Variants in CACNB2 observed in about 807,000 individuals in gnomAD.
CACNB2 encodes voltage-dependent L-type calcium channel subunit beta-2.
In CACNB2, 42 loss-of-function variants were observed where a neutral mutation model predicts 73.3. The observed-to-expected ratio is 0.57, with a 90% confidence interval of 0.45 to 0.74. The LOEUF is 0.74. CACNB2 is among the 30% of genes least tolerant of loss of function. CACNB2 has a pLI of 0.00. For missense variants in CACNB2, 940 were observed against 853.0 expected (o/e 1.10, Z -1.27); for synonymous variants, 348 against 310.3 (o/e 1.12, Z -1.28).
At chr10:18,231,001 G>A (rs922827489) in intron 2 of CACNB2, among the ~76,000 whole-genome samples, 6 of 152,102 alleles carry the variant, frequency 3.9e-5, no homozygotes, top group African/African-American at 1.4e-4. Context: ...GAGAAGGAAG[G>A]TTAGTAGGCT....
At chr10:18,290,943 C>T (rs1167186013) in intron 2 of CACNB2, among the ~76,000 whole-genome samples, 1 of 152,376 alleles carries the variant, frequency 6.6e-6, no homozygotes, top group South Asian at 2.1e-4. Flanking sequence ...CATTTCCAGC[C>T]TTGCTCTTCC....
At chr10:18,373,123 TC>T (rs963042917) in intron 2 of CACNB2, among the ~76,000 whole-genome samples, 65 of 152,120 alleles carry the variant, frequency 4.3e-4, no homozygotes, top group African/African-American at 1.5e-3. Flanking sequence ...GCCCCATATT[TC>T]CCTAAAGACT....
chr10:18,488,774 AC>A (rs1211881441), intron 3 of CACNB2, among the ~76,000 whole-genome samples: 5 of 151,972 alleles, frequency 3.3e-5, no homozygotes, highest in Admixed American at 2.6e-4. Flanking sequence ...CCATCTACAC[AC>A]CCCTTTAAAT....
intron 1 of CACNB2, among the ~76,000 whole-genome samples, chr10:18,143,433 G>A (rs2030637742): frequency 6.6e-6 from 1 of 152,180 alleles, no homozygotes; most frequent in South Asian, 2.1e-4. Context: ...TGATTGCATA[G>A]ATAAAGGAGA....
intron 2 of CACNB2, among the ~76,000 whole-genome samples, chr10:18,199,348 A>G (rs151279665): frequency 2.6e-5 from 4 of 152,206 alleles, no homozygotes; most frequent in Admixed American, 2.6e-4. Flanking sequence ...TGTAATGCCA[A>G]CTTCTAGGAA....
At chr10:18,370,543 T>C (rs1446389132) in intron 2 of CACNB2, among the ~76,000 whole-genome samples, 1 of 152,176 alleles carries the variant, frequency 6.6e-6, no homozygotes, top group Non-Finnish European at 1.5e-5. Context: ...TAAGTGATCC[T>C]CCCACCTTGG....
At chr10:18,443,856 A>G (rs879617669) in intron 3 of CACNB2, among the ~76,000 whole-genome samples, 4 of 152,082 alleles carry the variant, frequency 2.6e-5, no homozygotes, top group Admixed American at 6.6e-5. Context: ...CTGGGGTTAC[A>G]GGTGCCTGCC....
intron 2 of CACNB2, among the ~76,000 whole-genome samples, chr10:18,336,511 C>A (rs1035134333): frequency 6.6e-6 from 1 of 151,914 alleles, no homozygotes; most frequent in Admixed American, 6.6e-5. Flanking sequence ...TCCAGCTACT[C>A]GAGAGGCTGA....
intron 2 of CACNB2, among the ~76,000 whole-genome samples, chr10:18,371,735 G>A (rs549382627): frequency 2.6e-5 from 4 of 152,266 alleles, no homozygotes; most frequent in South Asian, 2.1e-4. Flanking sequence ...GGATGGCTGG[G>A]TCAAATGGTA....
intron 2 of CACNB2, among the ~76,000 whole-genome samples, chr10:18,346,258 G>T (rs4748452): frequency 0.31 from 46,821 of 151,916 alleles, 7,524 homozygotes; most frequent in African/African-American, 0.38. Context: ...TCCTGCCTCA[G>T]CCTCTTGAGT....
chr10:18,318,970 G>A (rs2040297215), intron 2 of CACNB2, among the ~76,000 whole-genome samples: 1 of 152,224 alleles, frequency 6.6e-6, no homozygotes, highest in Non-Finnish European at 1.5e-5. Flanking sequence ...AGGCTGTGGA[G>A]AAATAGGAAT....
At chr10:18,179,827 T>G (rs2033785432) in intron 2 of CACNB2, among the ~76,000 whole-genome samples, 1 of 152,200 alleles carries the variant, frequency 6.6e-6, no homozygotes, top group Non-Finnish European at 1.5e-5. Context: ...AAATTTCCTC[T>G]CCAGTAGTCT....
chr10:18,378,909 T>C (rs2042906829), intron 2 of CACNB2, among the ~76,000 whole-genome samples: 2 of 152,052 alleles, frequency 1.3e-5, no homozygotes, highest in South Asian at 4.2e-4. Flanking sequence ...TAGAACAAAT[T>C]TGAGTTGAGT....
chr10:18,374,013 T>C (rs2042692377), intron 2 of CACNB2, among the ~76,000 whole-genome samples: 1 of 152,234 alleles, frequency 6.6e-6, no homozygotes, highest in Non-Finnish European at 1.5e-5. Flanking sequence ...CCATATTGCA[T>C]TGTAACACTG....
At chr10:18,452,883 T>C (rs1302735614) in intron 3 of CACNB2, among the ~76,000 whole-genome samples, 1 of 152,212 alleles carries the variant, frequency 6.6e-6, no homozygotes, top group Admixed American at 6.5e-5. Flanking sequence ...TGCAGAAGGA[T>C]ATTAGAATAT....
Position 18,491,389 on chromosome 10 carries a change from GC to G in CACNB2, c.334-6964del, listed in dbSNP as rs1210332239. On this transcript the variant is annotated intron_variant, in intron 3 of 13. Coordinates refer to ENST00000324631, the MANE Select transcript of CACNB2 (RefSeq NM_201596.3). ...ACTTGAGGCCAGGAGTTCAAGACCA[GC>G]CTGGGCATCAAAGCGAGACCTCATC... 5.9e-5 allele frequency among the ~76,000 whole-genome samples: 9 copies of G among 152,264 alleles called. No homozygotes were observed. In the East Asian group the frequency reaches 1.7e-3, roughly 29 times the overall value.
intron 2 of CACNB2, among the ~76,000 whole-genome samples, chr10:18,270,281 A>T (rs1277741): frequency 0.83 from 125,857 of 152,086 alleles, 52,352 homozygotes; most frequent in African/African-American, 0.92. Context: ...GCACCCATTA[A>T]CCAGTCACCT....
intron 1 of CACNB2, among the ~76,000 whole-genome samples, chr10:18,146,271 C>T (rs956077598): frequency 2.7e-5 from 4 of 149,608 alleles, no homozygotes; most frequent in Admixed American, 6.7e-5. Context: ...AAGGGATAAA[C>T]ATCAATGAAT....
chr10:18,223,470 TATTG>T (rs1223188729), intron 2 of CACNB2, among the ~76,000 whole-genome samples: 8 of 152,176 alleles, frequency 5.3e-5, no homozygotes, highest in South Asian at 2.1e-4. Context: ...CATGAATAAT[TATTG>T]ATTATTTAAT....
Sources: allele counts gnomAD v4.1 joint callset (sites outside exome capture counted in the v4.1 genomes callset), GRCh38; gene constraint gnomAD v4.1.1; transcripts MANE v1.5; gene names NCBI Gene and HGNC (gene_info 2026-07-23, HGNC 2026-07-21).